RIC1: variants seen among roughly 807,000 people sequenced by gnomAD.
RIC1 encodes the protein RIC1 partner of RAB6A GEF complex, also known as guanine nucleotide exchange factor subunit RIC1.
A neutral mutation model predicts 169.0 loss-of-function variants in RIC1; 88 were observed. The observed-to-expected ratio is 0.52, with a 90% CI of 0.44 to 0.62. The LOEUF (loss-of-function observed/expected upper bound fraction) is 0.62, where lower values mean the gene tolerates loss of function less well. Among genes scored for constraint, RIC1 ranks in the 20% least tolerant of loss-of-function variants. RIC1 has a pLI of 0.00. For missense variants in RIC1, 1,877 were observed against 1,725.5 expected (o/e 1.09, Z -1.56); for synonymous variants, 790 against 601.5 (o/e 1.31, Z -4.59).
At chr9:5,695,817 T>C (rs749481264) in intron 3 of RIC1, among the ~76,000 whole-genome samples, 5 of 152,004 alleles carry the variant, frequency 3.3e-5, no homozygotes, top group Non-Finnish European at 7.4e-5. Context: ...GTGATCTGCC[T>C]GCCTCGGCCT....
chr9:5,629,214 C>T lies in RIC1; in HGVS notation c.-96C>T. 15 of 1,223,524 alleles carry T rather than the reference C, an allele frequency of 1.2e-5. No individual in the cohort carries two copies. Among genetic ancestry groups the T allele is most frequent in the Non-Finnish European group, 1.6e-5 (15 of 966,482 alleles). The allele number at this position is 1,223,524 out of a possible 1,614,324, so 75.8% of individuals were successfully genotyped here. On this transcript the variant is annotated 5_prime_UTR_variant, in exon 1 of 26. Transcript: ENST00000414202. ...CCCGAGCTGCCGCCGCCGCCGCCGC[C>T]GACTCGGCCGGTGGCGGTGTGGGAG...
At chr9:5,731,554 A>G (rs1367528252) in intron 6 of RIC1, among the ~76,000 whole-genome samples, 2 of 152,140 alleles carry the variant, frequency 1.3e-5, no homozygotes, top group African/African-American at 4.8e-5. Flanking sequence ...TTTTTCTGCT[A>G]ACTGAACTAA....
downstream of RIC1, among the ~76,000 whole-genome samples, chr9:5,776,818 A>G (rs1368852036): frequency 6.6e-6 from 1 of 152,102 alleles, no homozygotes; most frequent in Non-Finnish European, 1.5e-5. Context: ...AAAATTATGT[A>G]TACCTTAAGA....
Position 5,742,866 on chromosome 9 carries a change from C to A in RIC1, c.902-3C>A. On this transcript the variant is annotated splice_region_variant and splice_polypyrimidine_tract_variant and intron_variant, in intron 8 of 25. Coordinates refer to ENST00000414202, the MANE Select transcript of RIC1 (RefSeq NM_020829.4). ...TTTAACTCTTCTCACTATTTCCTAACAGACATTTGGAATAAAACAGGAGCT... is the reference window on the plus strand; with the variant it reads ...TTTAACTCTTCTCACTATTTCCTAAAAGACATTTGGAATAAAACAGGAGCT... 1 of 1,588,836 alleles carries A rather than the reference C, an allele frequency of 6.3e-7. No individual in the cohort carries two copies. Among genetic ancestry groups the A allele is most frequent in the African/African-American group, 1.4e-5 (1 of 73,270 alleles).
intron 3 of RIC1, among the ~76,000 whole-genome samples, chr9:5,694,394 C>G (rs983716186): frequency 3.3e-5 from 5 of 152,148 alleles, no homozygotes; most frequent in Non-Finnish European, 2.9e-5. Context: ...AAACCTTGTT[C>G]TACATTCAGT....
Position 5,769,163 on chromosome 9 carries a change from C to G in RIC1, c.3331C>G (p.Leu1111Val). ...AARVDNFVIALKRLHKDFLWP... is the reference protein window; with the variant it reads ...AARVDNFVIAVKRLHKDFLWP... The stretch of plus-strand genomic sequence containing the variant: ...CCGGGTAGACAACTTTGTAATAGCC[C>G]TGAAGAGACTCCACAAAGATTTCCT... Residue 1111 changes from leucine to valine, a missense_variant, in exon 22 of 26, where the codon CTG (leucine) becomes GTG (valine). Transcript: ENST00000414202. 6.2e-7 allele frequency: 1 copy of G among 1,614,102 alleles called. No individual in the cohort carries two copies. Among genetic ancestry groups the G allele is most frequent in the Non-Finnish European group, 8.5e-7 (1 of 1,179,990 alleles).
Position 5,720,268 on chromosome 9 carries a change from G to C in RIC1, c.527G>C (p.Arg176Thr). Residue 176 changes from arginine (R) to threonine (T), a missense_variant, in exon 5 of 26, where the codon AGG becomes ACG. Arg to Thr is a moderately conservative substitution (Grantham distance 71, BLOSUM62 -1). This residue lies in a region of RIC1 where 1,104 missense variants were observed against 992.0 expected (regional missense o/e 1.11). Coordinates refer to ENST00000414202, the MANE Select transcript of RIC1 (RefSeq NM_020829.4). ...LIHWEGMTNG[R>T]KAINLCTVPF... ...CACTGGGAAGGAATGACAAATGGAA[G>C]GAAAGCCATTAATCTTTGCACAGTA... The C allele has an allele frequency of 6.2e-7, 1 of 1,613,574 alleles. No individual in the cohort carries two copies. The highest frequency in any genetic ancestry group is 8.5e-7 in the Non-Finnish European group (1 of 1,179,536).
chr9:5,664,073 C>T (rs370855531), intron 2 of RIC1, among the ~76,000 whole-genome samples: 156 of 152,158 alleles, frequency 1.0e-3, no homozygotes, highest in African/African-American at 2.7e-3. Flanking sequence ...AGCTTAGTTT[C>T]GCCAGATATG....
chr9:5,746,688 ATAGTGTATACTAATAT>A (rs1402568961), intron 11 of RIC1, among the ~76,000 whole-genome samples: 1 of 152,202 alleles, frequency 6.6e-6, no homozygotes. Context: ...TCTATCTGAA[ATAGTGTATACTAATAT>A]TATTATATAT....
At chr9:5,666,112 T>C (rs1563881449) in intron 2 of RIC1, among the ~76,000 whole-genome samples, 1 of 152,062 alleles carries the variant, frequency 6.6e-6, no homozygotes, top group Non-Finnish European at 1.5e-5. Flanking sequence ...CTCTGTCTAA[T>C]TGGGGGTGGC....
intron 3 of RIC1, among the ~76,000 whole-genome samples, chr9:5,694,293 C>T (rs907812068): frequency 3.9e-5 from 6 of 152,110 alleles, no homozygotes; most frequent in African/African-American, 1.4e-4. Context: ...TGAAAGTTTC[C>T]CTCAATATAT....
At chr9:5,696,855 G>A (rs937053235) in intron 3 of RIC1, among the ~76,000 whole-genome samples, 1 of 152,122 alleles carries the variant, frequency 6.6e-6, no homozygotes, top group African/African-American at 2.4e-5. Flanking sequence ...TGTTTTGGGT[G>A]GCAGGTAAGC....
In RIC1 at chr9:5,753,571, T is replaced by G; in HGVS notation, c.1527T>G (p.Ala509=). The G allele has an allele frequency of 6.2e-7, 1 of 1,611,278 alleles. No individual in the cohort carries two copies. Among genetic ancestry groups the G allele is most frequent in the Non-Finnish European group, 8.5e-7 (1 of 1,178,932 alleles). ...SAIDKLGQNI[A]VVGKFGFAHY... is the part of the protein sequence containing the mutation. Reference sequence around the variant, plus strand: ...TTGATAAGCTTGGACAGAATATTGCTGTGGTTGGCAAGTTTGGTTTTGCAC... The same window carrying G: ...TTGATAAGCTTGGACAGAATATTGCGGTGGTTGGCAAGTTTGGTTTTGCAC... The change falls in exon 14 of 26, where the codon GCT becomes GCG. Residue 509 remains alanine (A), a synonymous_variant. Coordinates refer to ENST00000414202, the MANE Select transcript of RIC1 (RefSeq NM_020829.4).
At position 5,718,271 on chromosome 9, in the gene RIC1, T is replaced by C. The variant is rs546197085; in HGVS notation, c.441-1911T>C. Reference sequence around the variant, plus strand: ...TACAATTTAGTTACAGTTTGTTTTCTTTATGGCTTGTCTTTACAGCTAGTT... The same window carrying C: ...TACAATTTAGTTACAGTTTGTTTTCCTTATGGCTTGTCTTTACAGCTAGTT... On this transcript the variant is annotated intron_variant, in intron 4 of 25. Transcript: ENST00000414202. Among the ~76,000 whole-genome samples the C allele has an allele frequency of 5.3e-5, 8 of 152,306 alleles. No homozygotes were observed. In the East Asian group the frequency reaches 1.5e-3, roughly 29 times the overall value.
At chr9:5,663,512 CTG>C (rs1819577390) in intron 2 of RIC1, among the ~76,000 whole-genome samples, 1 of 152,106 alleles carries the variant, frequency 6.6e-6, no homozygotes, top group African/African-American at 2.4e-5. Context: ...TGTTCCTATA[CTG>C]TGTGTGCATA....
At chr9:5,742,724 A>G (rs1010116162) in intron 8 of RIC1, 145 bp from the exon 9 acceptor site, 4 of 740,546 alleles carry the variant, frequency 5.4e-6, no homozygotes, top group Non-Finnish European at 8.6e-6. Context: ...AAGTAGTCCT[A>G]AATGACCAGG....
intron 2 of RIC1, among the ~76,000 whole-genome samples, chr9:5,684,125 C>T (rs1821046686): frequency 2.0e-5 from 3 of 152,118 alleles, no homozygotes; most frequent in Non-Finnish European, 4.4e-5. Context: ...TGCTTCAGCT[C>T]ACGCACAGTG....
chr9:5,732,450 G>C lies in RIC1; in HGVS notation c.783G>C (p.Lys261Asn). The C allele has an allele frequency of 1.2e-6, 2 of 1,611,598 alleles. No individual in the cohort carries two copies. The highest frequency in any genetic ancestry group is 1.7e-6 in the Non-Finnish European group (2 of 1,178,740). Residue 261 changes from lysine to asparagine, a missense_variant, in exon 7 of 26, where the codon AAG (lysine) becomes AAC (asparagine). Lys to Asn is a moderately conservative substitution (Grantham distance 94, BLOSUM62 0). This residue lies in a region of RIC1 where 1,104 missense variants were observed against 992.0 expected (regional missense o/e 1.11). Transcript: ENST00000414202. ...VDGTCVAVNNKYRLMAFGCVS... is the reference protein window; with the variant it reads ...VDGTCVAVNNNYRLMAFGCVS... ...GAACGTGTGTAGCAGTAAATAACAAGTATCGACTAATGGCATTTGGCTGTG... is the reference window on the plus strand; with the variant it reads ...GAACGTGTGTAGCAGTAAATAACAACTATCGACTAATGGCATTTGGCTGTG...
intron 1 of RIC1, among the ~76,000 whole-genome samples, chr9:5,634,013 T>C (rs1209828340): frequency 6.6e-6 from 1 of 152,202 alleles, no homozygotes; most frequent in Non-Finnish European, 1.5e-5. Flanking sequence ...GCTTACTTAG[T>C]ATACTGTCCT....
Sources: gnomAD v4.1 joint callset for allele counts (sites outside exome capture counted in the v4.1 genomes callset) on GRCh38, gnomAD v4.1.1 for gene constraint, gnomAD v4.1.1 regional missense constraint, MANE v1.5 for transcripts, NCBI Gene and HGNC (gene_info 2026-07-23, HGNC 2026-07-21) for gene names.